Variants in CFAP99 observed in about 807,000 individuals in gnomAD.
CFAP99 encodes the protein cilia- and flagella-associated protein 99.
In CFAP99, 84 loss-of-function variants were observed where a neutral mutation model predicts 82.7. The ratio of observed to expected loss-of-function variants is 1.02; its 90% CI spans 0.85 to 1.22. CFAP99 has a LOEUF of 1.22. Ranked by LOEUF, CFAP99 falls within the 50% of genes most tolerant of loss-of-function variation. The pLI is 0.00. For synonymous variants in CFAP99, 456 were observed against 429.5 expected (o/e 1.06, Z -0.76); for missense variants, 1,059 against 983.5 (o/e 1.08, Z -1.03).
chr4:2,426,646 C>T (rs1479898606), intron 2 of CFAP99, 60 bp downstream of exon 2: 1 of 1,084,044 alleles, frequency 9.2e-7, no homozygotes, highest in African/African-American at 1.6e-5. Flanking sequence ...TGCAGCTGTT[C>T]TGGTTAACAG....
intron 2 of CFAP99, among the ~76,000 whole-genome samples, chr4:2,431,304 G>A (rs985363190): frequency 6.6e-6 from 1 of 151,982 alleles, no homozygotes; most frequent in Admixed American, 6.6e-5. Context: ...GGGAGGCGGA[G>A]GTTGCAGTGA....
intron 2 of CFAP99, among the ~76,000 whole-genome samples, chr4:2,432,791 G>C (rs1485312889): frequency 6.6e-6 from 1 of 152,244 alleles, no homozygotes; most frequent in Non-Finnish European, 1.5e-5. Flanking sequence ...CAAACTCAGA[G>C]ACCCTTGGGC....
intron 11 of CFAP99, among the ~76,000 whole-genome samples, chr4:2,454,001 GT>G (rs954841387): frequency 2.7e-5 from 4 of 148,170 alleles, no homozygotes; most frequent in African/African-American, 5.0e-5. Context: ...TTGGTTTTTG[GT>G]TTTTTTTTCT....
chr4:2,445,407 C>A (rs527694514), intron 6 of CFAP99, 99 bp downstream of exon 6: 1 of 1,104,144 alleles, frequency 9.1e-7, no homozygotes, highest in Non-Finnish European at 1.2e-6. Context: ...TGGGCTCCCC[C>A]CAGGGCTGAG....
chr4:2,450,066 G>T (rs1180854531), intron 8 of CFAP99, 61 bp downstream of exon 8: 1 of 1,496,306 alleles, frequency 6.7e-7, no homozygotes, highest in Non-Finnish European at 9.0e-7. Flanking sequence ...CCATCAGAAA[G>T]TTCCTCCCAA....
chr4:2,426,607 C>T, intron 2 of CFAP99, 21 bp downstream of exon 2: 1 of 1,482,856 alleles, frequency 6.7e-7, no homozygotes, highest in Non-Finnish European at 9.1e-7. Flanking sequence ...CTGGGGGCTG[C>T]TGGGAGGCCA....
intron 10 of CFAP99, among the ~76,000 whole-genome samples, chr4:2,451,761 C>A (rs997100961): frequency 6.6e-6 from 1 of 151,992 alleles, no homozygotes; most frequent in African/African-American, 2.4e-5. Flanking sequence ...GGGTGTCTGA[C>A]CAGATGGTGG....
At chr4:2,423,396 G>A (rs1332343895) in intron 1 of CFAP99, among the ~76,000 whole-genome samples, 1 of 152,236 alleles carries the variant, frequency 6.6e-6, no homozygotes, top group African/African-American at 2.4e-5. Context: ...GCCCTGCCCT[G>A]AGTATTCCTG....
chr4:2,423,496 G>C lies in CFAP99; in HGVS notation c.-17-2963G>C, dbSNP rs143611649. On this transcript the variant is annotated intron_variant, in intron 1 of 14. Transcript: ENST00000635017. Reference sequence around the variant, plus strand: ...AATCCCCACGCCAGAGACTCAGCTAGAGGGGATCAGAGGAGAGTGAAAGGA... The same window carrying C: ...AATCCCCACGCCAGAGACTCAGCTACAGGGGATCAGAGGAGAGTGAAAGGA... 4.3e-4 allele frequency among the ~76,000 whole-genome samples: 66 copies of C among 152,352 alleles called. 1 individual carries two copies. The highest frequency in any genetic ancestry group is 1.5e-3 in the African/African-American group (64 of 41,584).
At position 2,462,450 on chromosome 4, in the gene CFAP99, G is replaced by A; in HGVS notation, c.1669G>A (p.Glu557Lys). 6.9e-7 allele frequency: 1 copy of A among 1,455,426 alleles called. No homozygotes were observed. Among genetic ancestry groups the A allele is most frequent in the Non-Finnish European group, 9.0e-7 (1 of 1,114,798 alleles). 90.2% of individuals were successfully genotyped at this position (1,455,426 alleles called of 1,614,324 possible). ...CGCCGCGTCGCCCGCCAGGTGGGAG[G>A]AAAAGAAGGCCCTTGCGGCGGCCCC... Residue 557 changes from glutamate (E) to lysine (K), a missense_variant, in exon 15 of 15, where the codon GAA becomes AAA. By Grantham distance (56) the Glu-to-Lys change is moderately conservative. Coordinates refer to ENST00000635017, the Ensembl canonical transcript of CFAP99. The surrounding 1 kb of genome is among the most constrained non-coding windows in gnomAD (Gnocchi z 4.1).
At chr4:2,451,778 C>G (rs1734309008) in intron 10 of CFAP99, among the ~76,000 whole-genome samples, 1 of 152,060 alleles carries the variant, frequency 6.6e-6, no homozygotes. Context: ...GTGGAGTGGA[C>G]GCACAGATGG....
intron 11 of CFAP99, among the ~76,000 whole-genome samples, chr4:2,454,596 T>G (rs868686505): frequency 0.032 from 4,616 of 144,266 alleles, 216 homozygotes; most frequent in African/African-American, 0.12. Flanking sequence ...TTTTTTTTGT[T>G]TTTTTTTTTT....
At chr4:2,443,010 G>T in intron 4 of CFAP99, 120 bp from the exon 5 acceptor site, 1 of 451,256 alleles carries the variant, frequency 2.2e-6, no homozygotes, top group Non-Finnish European at 3.9e-6. Flanking sequence ...GCCTTGGGGG[G>T]AGCCACTGGG....
In CFAP99 at chr4:2,422,930, C is replaced by G. The variant is rs569007417; in HGVS notation, c.-17-3529C>G. Among the ~76,000 whole-genome samples the G allele has an allele frequency of 7.2e-5, 11 of 152,322 alleles. No individual in the cohort carries two copies. The South Asian group carries it at 8.3e-4, about 11-fold the overall frequency. The stretch of plus-strand genomic sequence containing the variant: ...CAAGGGATCCTCCCACCTCAGCCCC[C>G]CAAGGAGCTAGGACTACAGGCGTGC... On this transcript the variant is annotated intron_variant, in intron 1 of 14. Coordinates refer to ENST00000635017, the Ensembl canonical transcript of CFAP99.
At chr4:2,442,681 T>A (rs2108725174) in intron 4 of CFAP99, among the ~76,000 whole-genome samples, 1 of 152,278 alleles carries the variant, frequency 6.6e-6, no homozygotes, top group South Asian at 2.1e-4. Context: ...GGAAGTTGAC[T>A]GGACAAGGCC....
chr4:2,439,747 G>A (rs1341361616), intron 4 of CFAP99, among the ~76,000 whole-genome samples: 2 of 152,200 alleles, frequency 1.3e-5, no homozygotes, highest in African/African-American at 4.8e-5. Context: ...CTGAGTTGGG[G>A]CCAGCTTCCC....
exon 8 of CFAP99, chr4:2,449,942 G>A (rs1253926498): frequency 1.3e-6 from 2 of 1,536,210 alleles, no homozygotes; most frequent in Non-Finnish European, 1.7e-6. Flanking sequence ...AGGAGCTGCT[G>A]CTGAGGGCAA....
intron 1 of CFAP99, among the ~76,000 whole-genome samples, chr4:2,422,336 T>C (rs996624701): frequency 2.0e-5 from 3 of 152,100 alleles, no homozygotes; most frequent in Non-Finnish European, 4.4e-5. Flanking sequence ...GCAGGACAAT[T>C]TGAGTCAGGC....
chr4:2,436,657 TTC>T lies in CFAP99; in HGVS notation c.112-215_112-214del, dbSNP rs558413865. Among the ~76,000 whole-genome samples, 151 of 152,370 alleles carry T rather than the reference TTC, an allele frequency of 9.9e-4. 1 individual carries two copies. Among genetic ancestry groups the T allele is most frequent in the African/African-American group, 3.6e-3 (150 of 41,592 alleles). ...GCACTGCCTCATCATCTTCGTTTAT[TTC>T]TGTCTTTGCCCTGACCTCACTTGGC... On this transcript the variant is annotated intron_variant, in intron 2 of 14. Transcript: ENST00000635017.
Sources: gnomAD v4.1 joint callset for allele counts (sites outside exome capture counted in the v4.1 genomes callset) on GRCh38, gnomAD v4.1.1 for gene constraint, Gnocchi (gnomAD v3.1) non-coding constraint, MANE v1.5 for transcripts, NCBI Gene and HGNC (gene_info 2026-07-23, HGNC 2026-07-21) for gene names.